ICE2: variants seen among roughly 807,000 people sequenced by gnomAD.
ICE2 encodes the protein interactor of little elongation complex ELL subunit 2, also known as little elongation complex subunit 2.
A neutral mutation model predicts 105.4 loss-of-function variants in ICE2; 87 were observed. That is an observed-to-expected ratio of 0.83 (90% CI 0.69 to 0.99). ICE2 has a LOEUF of 0.99. Among genes scored for constraint, ICE2 ranks in the 50% least tolerant of loss-of-function variants. The pLI, the probability that ICE2 is intolerant of heterozygous loss-of-function variation, is 0.00. For synonymous variants in ICE2, 399 were observed against 392.0 expected, an observed-to-expected ratio of 1.02 and a Z score of -0.21; for missense variants, 1,323 against 1,146.7, an observed-to-expected ratio of 1.15 and a Z score of -2.22.
intron 3 of ICE2, among the ~76,000 whole-genome samples, chr15:60,470,763 G>A (rs2064569319): frequency 6.6e-6 from 1 of 152,102 alleles, no homozygotes; most frequent in South Asian, 2.1e-4. Context: ...ATCTCATAAT[G>A]CAGTAGTCTA....
Position 60,442,494 on chromosome 15 carries a change from C to T in ICE2, c.2347G>A (p.Val783Ile), listed in dbSNP as rs1481226989. Residue 783 changes from valine to isoleucine, a missense_variant, in exon 12 of 16, where the codon GTT becomes ATT. Val to Ile is a conservative substitution (Grantham distance 29). Coordinates refer to ENST00000261520, the MANE Select transcript of ICE2 (RefSeq NM_024611.6). ...AGTTCACTTTCAGTCAGAGCTTCAACTCCATAACAAGCTTGATACTCTACT... is the reference window on the plus strand; with the variant it reads ...AGTTCACTTTCAGTCAGAGCTTCAATTCCATAACAAGCTTGATACTCTACT... The part of the protein sequence containing the change: ...PKVEYQACYG[V>I]EALTESELCR... 6.3e-7 allele frequency: 1 copy of T among 1,597,758 alleles called. No homozygotes were observed. Among genetic ancestry groups the T allele is most frequent in the Non-Finnish European group, 8.5e-7 (1 of 1,176,310 alleles).
rs1420356606 is a variant in ICE2, at chr15:60,453,708, T to G, written c.1020A>C (p.Gln340His). The change falls in exon 9 of 16, where the codon CAA becomes CAC. Residue 340 changes from glutamine (Q) to histidine (H), a missense_variant. Coordinates refer to ENST00000261520, the MANE Select transcript of ICE2 (RefSeq NM_024611.6). ...QKKMTMRERN[Q>H]IFHEVPLKFM... ...ATTTTAATGGAACTTCATGAAAGATTTGATTTCTCTCTCTCATAGTCATTT... is the reference window on the plus strand; with the variant it reads ...ATTTTAATGGAACTTCATGAAAGATGTGATTTCTCTCTCTCATAGTCATTT... The G allele has an allele frequency of 7.5e-6, 12 of 1,610,606 alleles. No individual in the cohort carries two copies. The highest frequency in any genetic ancestry group is 4.0e-5 in the African/African-American group (3 of 74,870).
intron 8 of ICE2, among the ~76,000 whole-genome samples, chr15:60,454,233 G>C (rs989370522): frequency 6.6e-6 from 1 of 152,120 alleles, no homozygotes; most frequent in African/African-American, 2.4e-5. Flanking sequence ...TATCAAAACA[G>C]TATGGACATA....
intron 3 of ICE2, among the ~76,000 whole-genome samples, chr15:60,472,960 A>G (rs1449365411): frequency 2.0e-5 from 3 of 152,034 alleles, no homozygotes; most frequent in East Asian, 1.9e-4. Flanking sequence ...TAAGGTCTCA[A>G]ATTTTGAGAT....
chr15:60,437,290 T>TA (rs2063616142), intron 12 of ICE2, among the ~76,000 whole-genome samples: 1 of 151,716 alleles, frequency 6.6e-6, no homozygotes, highest in Non-Finnish European at 1.5e-5. Flanking sequence ...AAGCACACCA[T>TA]AAGATTTCCC....
intron 14 of ICE2, among the ~76,000 whole-genome samples, chr15:60,429,222 T>C (rs1472172111): frequency 6.6e-6 from 1 of 152,212 alleles, no homozygotes; most frequent in East Asian, 1.9e-4. Context: ...AGCTAGCAGG[T>C]ATTAAATGTT....
intron 11 of ICE2, 71 bp from the exon 12 acceptor site, chr15:60,442,616 C>T: frequency 1.7e-6 from 2 of 1,206,206 alleles, no homozygotes; most frequent in Non-Finnish European, 2.3e-6. Context: ...TTTGCCTATA[C>T]AGCTTTGCCA....
intron 13 of ICE2, among the ~76,000 whole-genome samples, chr15:60,434,629 G>T (rs923344859): frequency 1.3e-5 from 2 of 151,626 alleles, no homozygotes; most frequent in Non-Finnish European, 1.5e-5. Flanking sequence ...GATAGAACTG[G>T]AAGTCATTAT....
rs774422711 is a variant in ICE2 at position 60,468,068 on chromosome 15, T to C, written c.401A>G (p.Gln134Arg). 9.3e-6 allele frequency: 15 copies of C among 1,611,590 alleles called. No homozygotes were observed. The highest frequency in any genetic ancestry group is 1.3e-5 in the Non-Finnish European group (15 of 1,178,864). Residue 134 changes from glutamine (Q) to arginine (R), a missense_variant, in exon 4 of 16, where the codon CAG becomes CGG. Coordinates refer to ENST00000261520, the MANE Select transcript of ICE2 (RefSeq NM_024611.6). ...AVGINKNDYL[Q>R]YLDMKKHVNE... ...GAAGAACACAATACATACCAAGTAC[T>C]GCAAGTAGTCATTTTTATTTATTCC...
chr15:60,455,091 C>G lies in ICE2; in HGVS notation c.855G>C (p.Gln285His). 6.2e-7 allele frequency: 1 copy of G among 1,603,172 alleles called. No homozygotes were observed. Among genetic ancestry groups the G allele is most frequent in the Non-Finnish European group, 8.5e-7 (1 of 1,176,388 alleles). The change falls in exon 8 of 16, where the codon CAG becomes CAC. Residue 285 changes from glutamine to histidine, a missense_variant. Coordinates refer to ENST00000261520, the MANE Select transcript of ICE2 (RefSeq NM_024611.6). ...RYHPQIALTS[Q>H]SLFTLLNNHG... is the part of the protein sequence containing the mutation. ...GATTATTTAATAAGGTAAATAATGA[C>G]TGACTAGTTAGAGCTATCTGAGGGT...
chr15:60,476,099 G>A lies in ICE2; in HGVS notation c.110C>T (p.Ala37Val). The change falls in exon 3 of 16, where the codon GCT becomes GTT. Residue 37 changes from alanine to valine, a missense_variant. Ala to Val is a moderately conservative substitution (Grantham distance 64). Coordinates refer to ENST00000261520, the MANE Select transcript of ICE2 (RefSeq NM_024611.6). The part of the protein sequence containing the change: ...SRENYKDHSM[A>V]PSLKELRVLS... ...AACACGTAGTTCTTTTAAACTTGGA[G>A]CCATGGAATGATCTTTATAATTTTC... The A allele has an allele frequency of 1.2e-6, 2 of 1,607,474 alleles. No individual in the cohort carries two copies. The highest frequency in any genetic ancestry group is 1.3e-5 in the African/African-American group (1 of 74,668).
chr15:60,449,501 A>G lies in ICE2; in HGVS notation c.1466T>C (p.Phe489Ser). ...EECKNKDDQGFESCEKVSNSD... is the reference protein window; with the variant it reads ...EECKNKDDQGSESCEKVSNSD... ...ATTTGATACCTTTTCACATGATTCA[A>G]ATCCCTGATCATCTTTATTTTTGCA... The change falls in exon 10 of 16, where the codon TTT becomes TCT. Residue 489 changes from phenylalanine (F) to serine (S), a missense_variant. By Grantham distance (155) the Phe-to-Ser change is radical (BLOSUM62 -2). Transcript: ENST00000261520. 6.2e-7 allele frequency: 1 copy of G among 1,614,172 alleles called. No homozygotes were observed. The highest frequency in any genetic ancestry group is 8.5e-7 in the Non-Finnish European group (1 of 1,180,014).
chr15:60,458,118 A>G (rs2064176789), intron 5 of ICE2, among the ~76,000 whole-genome samples: 1 of 152,206 alleles, frequency 6.6e-6, no homozygotes, highest in African/African-American at 2.4e-5. Context: ...ATACTCTGAT[A>G]CATTATACAA....
chr15:60,436,038 G>C, intron 13 of ICE2, 105 bp downstream of exon 13: 1 of 515,720 alleles, frequency 1.9e-6, no homozygotes, highest in Non-Finnish European at 3.4e-6. Context: ...TACATAAAAA[G>C]ACTAAAAGTC....
chr15:60,464,090 T>A (rs1204821482), intron 5 of ICE2, among the ~76,000 whole-genome samples: 1 of 152,204 alleles, frequency 6.6e-6, no homozygotes, highest in African/African-American at 2.4e-5. Flanking sequence ...CATAAAATTT[T>A]AAAACTAAAA....
At position 60,423,504 on chromosome 15, in the gene ICE2, T is replaced by C. The variant is rs1176633520; in HGVS notation, c.*130A>G. The C allele has an allele frequency of 5.2e-6, 4 of 767,550 alleles. No individual in the cohort carries two copies. In the African/African-American group the frequency reaches 7.3e-5, roughly 14 times the overall value. 47.5% of individuals were successfully genotyped at this position (767,550 alleles called of 1,614,324 possible). ...AATATTCCTTCACATAGCCAACACA[T>C]TTTTTCAAGGCACTCTAGCTACTAC... On this transcript the variant is annotated 3_prime_UTR_variant, in exon 16 of 16. Transcript: ENST00000261520.
chr15:60,436,209 G>A lies in ICE2; in HGVS notation c.2444C>T (p.Thr815Ile), dbSNP rs1427044946. 3.5e-6 allele frequency: 5 copies of A among 1,421,254 alleles called. No homozygotes were observed. In the East Asian group the frequency reaches 1.3e-4, roughly 36 times the overall value. 88.0% of individuals were successfully genotyped at this position (1,421,254 alleles called of 1,614,324 possible). A position where few individuals can be genotyped will look rare whatever the true frequency, so the allele number is the denominator to read the frequency against. ...TTCTTCCAGTAGAAAAAGTTTTGAAGTAAATGCATCGATATGCCCTAAAAT... is the reference window on the plus strand; with the variant it reads ...TTCTTCCAGTAGAAAAAGTTTTGAAATAAATGCATCGATATGCCCTAAAAT... ...SFYVGHIDAF[T>I]SKLFLLEEIT... Residue 815 changes from threonine to isoleucine, a missense_variant, in exon 13 of 16, where the codon ACT becomes ATT. Thr to Ile is a moderately conservative substitution (Grantham distance 89, BLOSUM62 -1). Transcript: ENST00000261520.
chr15:60,423,401 T>C lies in ICE2; in HGVS notation c.*233A>G, dbSNP rs557459456. On this transcript the variant is annotated 3_prime_UTR_variant, in exon 16 of 16. Coordinates refer to ENST00000261520, the MANE Select transcript of ICE2 (RefSeq NM_024611.6). ...TATTTTTCTTCTTTATATATTTCCC[T>C]GCCATGATAATGTTAAAACATATCA... The C allele has an allele frequency of 8.7e-4, 274 of 316,408 alleles. No homozygotes were observed. The highest frequency in any genetic ancestry group is 1.5e-3 in the Non-Finnish European group (262 of 172,916). The allele number at this position is 316,408 out of a possible 1,614,324, so 19.6% of individuals were successfully genotyped here.
chr15:60,439,473 C>T (rs964769189), intron 12 of ICE2: 1 of 152,168 alleles, frequency 6.6e-6, no homozygotes, highest in African/African-American at 2.4e-5. Context: ...CTCCGCCTCC[C>T]AGGCTCTTGC....
Sources: gnomAD v4.1 joint callset for allele counts (sites outside exome capture counted in the v4.1 genomes callset) on GRCh38, gnomAD v4.1.1 for gene constraint, MANE v1.5 for transcripts, NCBI Gene and HGNC (gene_info 2026-07-23, HGNC 2026-07-21) for gene names.